PKD2: variants seen among roughly 807,000 people sequenced by gnomAD.
The protein encoded by PKD2 is polycystin-2.
PKD2 carries 48 observed loss-of-function variants against 105.9 expected under a neutral mutation model. That is an observed-to-expected ratio of 0.45 (90% CI 0.36 to 0.58). The LOEUF is 0.58. Among genes scored for constraint, PKD2 ranks in the 20% least tolerant of loss-of-function variants. PKD2 has a pLI of 0.00. For synonymous variants in PKD2, 464 were observed against 481.1 expected (o/e 0.96, Z 0.46); for missense variants, 1,078 against 1,255.3 (o/e 0.86, Z 2.13).
chr4:88,074,532 T>C (rs1022187770), intron 13 of PKD2, among the ~76,000 whole-genome samples: 5 of 152,208 alleles, frequency 3.3e-5, no homozygotes, highest in Non-Finnish European at 7.3e-5. Flanking sequence ...TATAAAATTT[T>C]CCTTTAGAAA....
rs1721258301 is a variant in PKD2, at chr4:88,076,962, G to A, written c.*1268G>A. The A allele has an allele frequency of 6.6e-6, 1 of 152,098 alleles. No individual in the cohort carries two copies. The highest frequency in any genetic ancestry group is 2.4e-5 in the African/African-American group (1 of 41,414). The allele number at this position is 152,098 out of a possible 1,614,324, so 9.4% of individuals were successfully genotyped here. A position where few individuals can be genotyped will look rare whatever the true frequency, so the allele number is the denominator to read the frequency against. On this transcript the variant is annotated 3_prime_UTR_variant, in exon 15 of 15. Transcript: ENST00000237596. ...AAAGTTCATACATTAGACAGTATCA[G>A]CCAAAATTTGAGTTAGCAACACTGT... is the stretch of plus-strand genomic sequence containing the variant.
At chr4:88,064,247 CA>C (rs1720701673) in intron 10 of PKD2, among the ~76,000 whole-genome samples, 1 of 152,184 alleles carries the variant, frequency 6.6e-6, no homozygotes, top group Non-Finnish European at 1.5e-5. Context: ...GTTCACTCCA[CA>C]TTGTAAAGTG....
Position 88,061,916 on chromosome 4 carries a change from T to C in PKD2, c.2030T>C (p.Leu677Ser), listed in dbSNP as rs762749748. 8.6e-6 allele frequency: 13 copies of C among 1,513,720 alleles called. No homozygotes were observed. Among genetic ancestry groups the C allele is most frequent in the Non-Finnish European group, 1.2e-5 (13 of 1,088,596 alleles). The allele number at this position is 1,513,720 out of a possible 1,614,324, so 93.8% of individuals were successfully genotyped here. ...TTCATTTACAAACAGAATATGTTTT[T>C]GGCTATCATCAATGATACTTACTCT... is the stretch of plus-strand genomic sequence containing the variant. ...FMFFILLNMF[L>S]AIINDTYSEV... The change falls in exon 10 of 15, where the codon TTG becomes TCG. Residue 677 changes from leucine (L) to serine (S), a missense_variant. By Grantham distance (145) the Leu-to-Ser change is moderately radical. Transcript: ENST00000237596.
chr4:88,009,421 C>T (rs368286674), intron 1 of PKD2, among the ~76,000 whole-genome samples: 10 of 152,256 alleles, frequency 6.6e-5, no homozygotes, highest in Admixed American at 3.9e-4. Flanking sequence ...ACTGAAATCC[C>T]AGTTCCACCA....
intron 1 of PKD2, among the ~76,000 whole-genome samples, chr4:88,009,262 C>T (rs185868571): frequency 2.0e-5 from 3 of 152,188 alleles, no homozygotes; most frequent in African/African-American, 7.2e-5. Context: ...TTGCTTTTAC[C>T]CTCCAAATTA....
At chr4:88,010,273 T>G (rs1578113005) in intron 1 of PKD2, among the ~76,000 whole-genome samples, 1 of 152,288 alleles carries the variant, frequency 6.6e-6, no homozygotes, top group African/African-American at 2.4e-5. Flanking sequence ...AAGTTTTAAT[T>G]ATATAAAATG....
chr4:88,015,704 G>C (rs550264955), intron 1 of PKD2, among the ~76,000 whole-genome samples: 11 of 152,368 alleles, frequency 7.2e-5, no homozygotes, highest in Non-Finnish European at 1.6e-4. Flanking sequence ...TTACAGGCGT[G>C]AGCCAGTGTG....
chr4:88,071,027 C>T (rs1173580350), intron 13 of PKD2, among the ~76,000 whole-genome samples: 1 of 151,488 alleles, frequency 6.6e-6, no homozygotes, highest in Non-Finnish European at 1.5e-5. Context: ...TTGATGATAT[C>T]CTGTATTTGA....
Position 88,007,887 on chromosome 4 carries a change from C to A in PKD2, c.154C>A (p.Leu52Met), listed in dbSNP as rs886059694. 27 of 1,377,046 alleles carry A rather than the reference C, an allele frequency of 2.0e-5. No homozygotes were observed. In the Admixed American group the frequency reaches 6.9e-4, roughly 35 times the overall value. The allele number at this position is 1,377,046 out of a possible 1,614,324, so 85.3% of individuals were successfully genotyped here. A position where few individuals can be genotyped will look rare whatever the true frequency, so the allele number is the denominator to read the frequency against. Reference sequence around the variant, plus strand: ...GGGCGGCCTCTGCGAGCAGCGGGGCCTGGAGATCGAGATGCAGCGCATCCG... The same window carrying A: ...GGGCGGCCTCTGCGAGCAGCGGGGCATGGAGATCGAGATGCAGCGCATCCG... The part of the protein sequence containing the change: ...APGGLCEQRG[L>M]EIEMQRIRQA... Residue 52 changes from leucine (L) to methionine (M), a missense_variant, in exon 1 of 15, where the codon CTG becomes ATG. Physicochemically the swap from Leu to Met is conservative, Grantham distance 15. This residue lies in a region of PKD2 where 210 missense variants were observed against 187.9 expected (regional missense o/e 1.12). Coordinates refer to ENST00000237596, the MANE Select transcript of PKD2 (RefSeq NM_000297.4).
At chr4:88,033,336 A>T (rs1480311656) in intron 2 of PKD2, among the ~76,000 whole-genome samples, 1 of 151,714 alleles carries the variant, frequency 6.6e-6, no homozygotes, top group African/African-American at 2.4e-5. Flanking sequence ...CTGAGGTGGG[A>T]GGATCACATG....
At chr4:88,054,499 A>T (rs1720245955) in intron 7 of PKD2, among the ~76,000 whole-genome samples, 1 of 152,132 alleles carries the variant, frequency 6.6e-6, no homozygotes, top group African/African-American at 2.4e-5. Context: ...CACTGTGGCC[A>T]GTAACAATGT....
At position 88,074,971 on chromosome 4, in the gene PKD2, T is replaced by C. The variant is rs367920984; in HGVS notation, c.2670+12T>C. On this transcript the variant is annotated intron_variant, in intron 14 of 14. Coordinates refer to ENST00000237596, the MANE Select transcript of PKD2 (RefSeq NM_000297.4). ...ATGGGGTGGCCGAGGTCAGTAGTCA[T>C]GAGCTGAAAACACCGCTGCTGAGCA... 5 of 1,613,826 alleles carry C rather than the reference T, an allele frequency of 3.1e-6. No homozygotes were observed. The Admixed American group carries it at 5.0e-5, about 16-fold the overall frequency.
chr4:88,055,363 C>T (rs577886005), intron 7 of PKD2, among the ~76,000 whole-genome samples: 2 of 152,206 alleles, frequency 1.3e-5, no homozygotes, highest in South Asian at 2.1e-4. Flanking sequence ...TTTTCCCTCC[C>T]TTTTACTTTA....
At chr4:88,024,901 G>A (rs573232207) in intron 2 of PKD2, among the ~76,000 whole-genome samples, 223 of 151,166 alleles carry the variant, frequency 1.5e-3, no homozygotes, top group Middle Eastern at 3.6e-3. Flanking sequence ...TTGGGAGGCC[G>A]AGGAGGGTGG....
intron 1 of PKD2, among the ~76,000 whole-genome samples, chr4:88,013,277 T>C (rs1344521295): frequency 1.3e-5 from 2 of 152,182 alleles, no homozygotes; most frequent in East Asian, 3.9e-4. Flanking sequence ...CATGGGACTT[T>C]CTTTTGTGAT....
At chr4:88,022,136 T>C (rs530240840) in intron 2 of PKD2, among the ~76,000 whole-genome samples, 8 of 152,290 alleles carry the variant, frequency 5.3e-5, no homozygotes, top group Admixed American at 2.6e-4. Context: ...AAGCACTGTG[T>C]CCCCCAGCTG....
intron 3 of PKD2, among the ~76,000 whole-genome samples, chr4:88,037,654 G>A (rs1560608113): frequency 6.6e-6 from 1 of 152,270 alleles, no homozygotes; most frequent in East Asian, 1.9e-4. Context: ...CATCTGACAA[G>A]GATAGCACAC....
At chr4:88,052,842 C>T (rs1720160993) in intron 7 of PKD2, among the ~76,000 whole-genome samples, 1 of 152,116 alleles carries the variant, frequency 6.6e-6, no homozygotes, top group Non-Finnish European at 1.5e-5. Flanking sequence ...GAAATGCTTG[C>T]TAGAAGGGAT....
In PKD2 at chr4:88,016,352, A is replaced by G. The variant is rs950243856; in HGVS notation, c.596-3106A>G. On this transcript the variant is annotated intron_variant, in intron 1 of 14. Transcript: ENST00000237596. ...CACCTGGAAACATTGAATACCTTCA[A>G]TGCTGGGAAGTTAACTCCCACCACA... Among the ~76,000 whole-genome samples, 18 of 152,370 alleles carry G rather than the reference A, an allele frequency of 1.2e-4. No individual in the cohort carries two copies. In the East Asian group the frequency reaches 2.7e-3, roughly 23 times the overall value.
Sources: gnomAD v4.1 joint callset for allele counts (sites outside exome capture counted in the v4.1 genomes callset) on GRCh38, gnomAD v4.1.1 for gene constraint, gnomAD v4.1.1 regional missense constraint, MANE v1.5 for transcripts, NCBI Gene and HGNC (gene_info 2026-07-23, HGNC 2026-07-21) for gene names.